Variants in GNB1 observed in about 807,000 individuals in gnomAD.
The protein encoded by GNB1 is G protein subunit beta 1.
Under a neutral mutation model 42.9 loss-of-function variants are expected in GNB1, and 2 were observed. The ratio of observed to expected loss-of-function variants is 0.05; its 90% confidence interval spans 0.02 to 0.15. The LOEUF is 0.15. Among genes scored for constraint, GNB1 ranks in the 10% least tolerant of loss-of-function variants. GNB1 has a pLI of 1.00. For missense variants in GNB1, 193 were observed against 462.2 expected (o/e 0.42, Z 5.34); for synonymous variants, 183 against 174.7 (o/e 1.05, Z -0.38).
At chr1:1,847,022 G>A (rs1376664771) in intron 1 of GNB1, among the ~76,000 whole-genome samples, 1 of 151,980 alleles carries the variant, frequency 6.6e-6, no homozygotes, top group Non-Finnish European at 1.5e-5. Flanking sequence ...AAATCATTGA[G>A]GAAAAGAAAA....
chr1:1,827,317 T>C (rs1179593221), intron 2 of GNB1, among the ~76,000 whole-genome samples: 1 of 152,230 alleles, frequency 6.6e-6, no homozygotes, highest in African/African-American at 2.4e-5. Flanking sequence ...GGCATCCTGC[T>C]GCCACTGCTC....
At chr1:1,848,710 A>G (rs573437349) in intron 1 of GNB1, among the ~76,000 whole-genome samples, 1 of 152,350 alleles carries the variant, frequency 6.6e-6, no homozygotes, top group Admixed American at 6.5e-5. Context: ...AGTCAATAGC[A>G]GGCTATTAGT....
At chr1:1,825,011 T>C (rs1646978445) in intron 3 of GNB1, 1 of 168,172 alleles carries the variant, frequency 5.9e-6, no homozygotes, top group Non-Finnish European at 1.3e-5. Context: ...TTTTTTATTG[T>C]TGTTAATACT....
At position 1,825,467 on chromosome 1, in the gene GNB1, T is replaced by C; in HGVS notation, c.-14A>G. 1 of 1,585,942 alleles carries C rather than the reference T, an allele frequency of 6.3e-7. No homozygotes were observed. The highest frequency in any genetic ancestry group is 8.7e-7 in the Non-Finnish European group (1 of 1,154,262). On this transcript the variant is annotated 5_prime_UTR_variant, in exon 3 of 12. Coordinates refer to ENST00000378609, the MANE Select transcript of GNB1 (RefSeq NM_002074.5). ...AAGCTCACTCATCTTCCGATCTTAG[T>C]GCTCTTCAATGCCACCTTCAAGAAT...
At chr1:1,832,063 C>CAAAA in intron 2 of GNB1, among the ~76,000 whole-genome samples, 1 of 87,082 alleles carries the variant, frequency 1.1e-5, no homozygotes. Context: ...GACCTTGTCT[C>CAAAA]AAAAAAAAAA....
intron 1 of GNB1, among the ~76,000 whole-genome samples, chr1:1,875,513 A>ATTTTG (rs1246250123): frequency 6.6e-6 from 1 of 150,666 alleles, no homozygotes; most frequent in Admixed American, 6.6e-5. Flanking sequence ...TACCTTTTCT[A>ATTTTG]TTTTGTTTTG....
intron 5 of GNB1, among the ~76,000 whole-genome samples, chr1:1,812,399 C>T (rs1403217063): frequency 1.5e-5 from 1 of 68,402 alleles, no homozygotes; most frequent in Non-Finnish European, 3.9e-5. Context: ...TATATACACA[C>T]ACATACATAC....
At chr1:1,794,447 G>A (rs1013997523) in intron 7 of GNB1, among the ~76,000 whole-genome samples, 1 of 152,146 alleles carries the variant, frequency 6.6e-6, no homozygotes, top group Admixed American at 6.6e-5. Context: ...GCCCAGGATT[G>A]GTGACAGACT....
At chr1:1,792,935 G>A (rs372631540) in intron 8 of GNB1, among the ~76,000 whole-genome samples, 31 of 151,810 alleles carry the variant, frequency 2.0e-4, no homozygotes, top group African/African-American at 6.5e-4. Flanking sequence ...GCGTGGTGGC[G>A]GGCACCTGTA....
chr1:1,852,267 C>T lies in GNB1; in HGVS notation c.-95-13029G>A, dbSNP rs531396414. On this transcript the variant is annotated intron_variant, in intron 1 of 11. Coordinates refer to ENST00000378609, the MANE Select transcript of GNB1 (RefSeq NM_002074.5). The stretch of plus-strand genomic sequence containing the variant: ...TTTTTGAGACGGCATCTTGCTCTGT[C>T]GCCCAGGCTGGAATGCAGTGGCGCC... 2.4e-4 allele frequency among the ~76,000 whole-genome samples: 36 copies of T among 152,042 alleles called. 1 individual carries two copies. Among genetic ancestry groups the T allele is most frequent in the South Asian group, 1.5e-3 (7 of 4,814 alleles).
intron 1 of GNB1, among the ~76,000 whole-genome samples, chr1:1,863,894 G>A (rs1279076941): frequency 6.6e-6 from 1 of 152,210 alleles, no homozygotes; most frequent in Non-Finnish European, 1.5e-5. Context: ...GTGTTGCACA[G>A]TGACTGAAAA....
chr1:1,846,002 T>C (rs1570706567), intron 1 of GNB1, among the ~76,000 whole-genome samples: 1 of 120,016 alleles, frequency 8.3e-6, no homozygotes, highest in African/African-American at 2.5e-5. Context: ...GAGAAATCAC[T>C]CCCTCAAGGT....
Position 1,811,536 on chromosome 1 carries a change from G to GACA in GNB1, c.203+4217_203+4219dup, listed in dbSNP as rs370902959. 8.5e-3 allele frequency among the ~76,000 whole-genome samples: 1,273 copies of GACA among 149,802 alleles called. 21 individuals carry two copies. The highest frequency in any genetic ancestry group is 0.03 in the African/African-American group (1,222 of 40,832). On this transcript the variant is annotated intron_variant, in intron 5 of 11. Transcript: ENST00000378609. ...GGTGAAATCCCGTCTCTACTAAAAA[G>GACA]ACAAAAAAAATTAGCCGGGCGTGGT...
intron 1 of GNB1, among the ~76,000 whole-genome samples, chr1:1,866,828 C>T (rs1648968834): frequency 6.6e-6 from 1 of 152,078 alleles, no homozygotes; most frequent in Non-Finnish European, 1.5e-5. Context: ...TTGGCAGGCG[C>T]CTGTAGTCCC....
At chr1:1,849,918 G>T (rs1480027634) in intron 1 of GNB1, among the ~76,000 whole-genome samples, 2 of 151,910 alleles carry the variant, frequency 1.3e-5, no homozygotes, top group African/African-American at 4.8e-5. Flanking sequence ...TTTCTTCCTA[G>T]GGCTCCAATT....
chr1:1,884,821 T>A (rs1407554552), intron 1 of GNB1, among the ~76,000 whole-genome samples: 2 of 151,942 alleles, frequency 1.3e-5, no homozygotes, highest in East Asian at 3.9e-4. Flanking sequence ...TAGCTGGGAC[T>A]ACAGGTGCCT....
At chr1:1,837,255 A>ATTT (rs35300114) in intron 2 of GNB1, among the ~76,000 whole-genome samples, 5 of 138,252 alleles carry the variant, frequency 3.6e-5, no homozygotes, top group South Asian at 2.3e-4. Context: ...CATTGAGTTA[A>ATTT]TTTTTTTTTT....
intron 1 of GNB1, among the ~76,000 whole-genome samples, chr1:1,890,598 C>T (rs1218772015): frequency 6.7e-6 from 1 of 148,700 alleles, no homozygotes; most frequent in Non-Finnish European, 1.5e-5. Context: ...GGGCCTGGGA[C>T]CCCGGCTCCT....
At position 1,828,799 on chromosome 1, in the gene GNB1, T is replaced by TA. The variant is rs941095226; in HGVS notation, c.-46-3301dup. ...ATGGTGGGCTATAATCCCAACACTT[T>TA]AGGAGGTCAAGTCGGGAGGACTGCT... is the stretch of plus-strand genomic sequence containing the variant. On this transcript the variant is annotated intron_variant, in intron 2 of 11. Transcript: ENST00000378609. 2.0e-5 allele frequency among the ~76,000 whole-genome samples: 3 copies of TA among 152,086 alleles called. 1 individual carries two copies. Among genetic ancestry groups the TA allele is most frequent in the South Asian group, 4.1e-4 (2 of 4,828 alleles).
Sources: allele counts gnomAD v4.1 joint callset (sites outside exome capture counted in the v4.1 genomes callset), GRCh38; gene constraint gnomAD v4.1.1; transcripts MANE v1.5; gene names NCBI Gene and HGNC (gene_info 2026-07-23, HGNC 2026-07-21).